CUL3: variants seen among roughly 807,000 people sequenced by gnomAD.
The protein encoded by CUL3 is cullin-3.
CUL3 carries 19 observed loss-of-function variants against 89.1 expected under a neutral mutation model. The observed-to-expected ratio is 0.21, with a 90% CI of 0.15 to 0.31. CUL3 has a LOEUF of 0.31. CUL3 is among the 10% of genes least tolerant of loss of function. The probability of loss-of-function intolerance (pLI) is 1.00; values close to 1 mark genes in which losing one functional copy is unlikely to be tolerated. For synonymous variants in CUL3, 351 were observed against 308.4 expected (o/e 1.14, Z -1.45); for missense variants, 469 against 942.3 (o/e 0.50, Z 6.58).
At position 224,557,806 on chromosome 2, in the gene CUL3, A is replaced by AT. The variant is rs1553535855; in HGVS notation, c.116dup (p.Asn39LysfsTer9). On this transcript the variant is annotated frameshift_variant, in exon 2 of 16. Coordinates refer to ENST00000264414, the MANE Select transcript of CUL3 (RefSeq NM_003590.5). LOFTEE classifies it high-confidence loss of function. ...TCTTACGCTGGATTTCTTGAATTGC[A>AT]TTTTTCAGAAGGTCCCAAATGCTGT... The AT allele has an allele frequency of 6.9e-7, 1 of 1,453,472 alleles. No homozygotes were observed. The highest frequency in any genetic ancestry group is 9.2e-7 in the Non-Finnish European group (1 of 1,091,456). 90.0% of individuals were successfully genotyped at this position (1,453,472 alleles called of 1,614,324 possible).
chr2:224,489,441 A>G (rs1161900416), intron 13 of CUL3, among the ~76,000 whole-genome samples: 1 of 152,222 alleles, frequency 6.6e-6, no homozygotes, highest in African/African-American at 2.4e-5. Flanking sequence ...CAGAAATCAC[A>G]AGCATTCCTA....
At chr2:224,511,722 A>G (rs1029686029) in intron 5 of CUL3, 140 bp from the exon 6 acceptor site, 9 of 558,096 alleles carry the variant, frequency 1.6e-5, no homozygotes, top group Admixed American at 1.0e-4. Flanking sequence ...TTCTCATTAC[A>G]CGAAAGACTG....
At chr2:224,561,685 C>T (rs903637626) in intron 1 of CUL3, among the ~76,000 whole-genome samples, 1 of 152,162 alleles carries the variant, frequency 6.6e-6, no homozygotes, top group African/African-American at 2.4e-5. Flanking sequence ...ACCTATACTG[C>T]TACCTCTTTT....
intron 2 of CUL3, among the ~76,000 whole-genome samples, chr2:224,542,538 TCTGG>T: frequency 6.7e-6 from 1 of 150,058 alleles, no homozygotes; most frequent in Middle Eastern, 3.4e-3. Flanking sequence ...TGCCAGCACT[TCTGG>T]CTGTGTGCGT....
At chr2:224,540,442 GAGGAAGAAGAA>G (rs1694061016) in intron 2 of CUL3, among the ~76,000 whole-genome samples, 1 of 151,754 alleles carries the variant, frequency 6.6e-6, no homozygotes, top group Non-Finnish European at 1.5e-5. Context: ...GAAGAGGAAG[GAGGAAGAAGAA>G]AGAAAGAAGA....
At chr2:224,536,676 G>C (rs1459601778) in intron 2 of CUL3, among the ~76,000 whole-genome samples, 3 of 152,164 alleles carry the variant, frequency 2.0e-5, no homozygotes, top group Non-Finnish European at 4.4e-5. Flanking sequence ...AGCCTGAAAT[G>C]TCTTTCCAAT....
At chr2:224,581,644 A>C (rs1456159795) in intron 1 of CUL3, among the ~76,000 whole-genome samples, 1 of 151,050 alleles carries the variant, frequency 6.6e-6, no homozygotes, top group Non-Finnish European at 1.5e-5. Context: ...CTGGAATTAT[A>C]GGCGTGTATC....
At position 224,565,585 on chromosome 2, in the gene CUL3, G is replaced by T. The variant is rs534395815; in HGVS notation, c.67-7729C>A. 4.6e-5 allele frequency among the ~76,000 whole-genome samples: 7 copies of T among 152,306 alleles called. No homozygotes were observed. In the South Asian group the frequency reaches 8.3e-4, roughly 18 times the overall value. On this transcript the variant is annotated intron_variant, in intron 1 of 15. Coordinates refer to ENST00000264414, the MANE Select transcript of CUL3 (RefSeq NM_003590.5). Reference sequence around the variant, plus strand: ...GTGCCCACATCATAAAACAGTCCATGTCGTAAAAGTCAAAGCATTCTTGAG... The same window carrying T: ...GTGCCCACATCATAAAACAGTCCATTTCGTAAAAGTCAAAGCATTCTTGAG...
In CUL3 at chr2:224,573,954, A is replaced by T. The variant is rs572986715; in HGVS notation, c.66+10990T>A. Among the ~76,000 whole-genome samples the T allele has an allele frequency of 2.0e-5, 3 of 152,194 alleles. 1 individual carries two copies. In the South Asian group the frequency reaches 6.2e-4, roughly 32 times the overall value. Reference sequence around the variant, plus strand: ...ACAAGGCAACCTCTAGTGGAAATGGAAAGGAATTGGAGATGAAAAAGAAAA... The same window carrying T: ...ACAAGGCAACCTCTAGTGGAAATGGTAAGGAATTGGAGATGAAAAAGAAAA... On this transcript the variant is annotated intron_variant, in intron 1 of 15. Transcript: ENST00000264414.
At chr2:224,520,300 C>T (rs1693214987) in intron 3 of CUL3, among the ~76,000 whole-genome samples, 1 of 152,222 alleles carries the variant, frequency 6.6e-6, no homozygotes, top group Non-Finnish European at 1.5e-5. Context: ...AAAACTTTCA[C>T]AAGCTAGGTG....
Position 224,514,634 on chromosome 2 carries a change from G to T in CUL3, c.517C>A (p.Arg173=), listed in dbSNP as rs1389326181. ...QTLLDMIARE[R]KGEVVDRGAI... is the part of the protein sequence containing the mutation. ...TACCTGTCTACGACTTCTCCTTTCC[G>T]CTCTCTTGCAATCATATCCAATAGA... Residue 173 remains arginine (R), a synonymous_variant, in exon 4 of 16, where the codon CGG becomes AGG. Transcript: ENST00000264414. 1 of 1,611,724 alleles carries T rather than the reference G, an allele frequency of 6.2e-7. No individual in the cohort carries two copies. Among genetic ancestry groups the T allele is most frequent in the East Asian group, 2.2e-5 (1 of 44,828 alleles).
chr2:224,568,172 A>G (rs1695091492), intron 1 of CUL3, among the ~76,000 whole-genome samples: 1 of 152,174 alleles, frequency 6.6e-6, no homozygotes, highest in Non-Finnish European at 1.5e-5. Context: ...GAACTCCTCA[A>G]GCAAAGTTAA....
chr2:224,526,384 G>A (rs1693474049), intron 3 of CUL3, among the ~76,000 whole-genome samples: 1 of 151,992 alleles, frequency 6.6e-6, no homozygotes, highest in African/African-American at 2.4e-5. Flanking sequence ...TCGAAAGTTC[G>A]AGACCAGTCT....
At chr2:224,497,977 G>T in intron 11 of CUL3, 128 bp from the exon 12 acceptor site, 1 of 667,940 alleles carries the variant, frequency 1.5e-6, no homozygotes. Flanking sequence ...AAAACTTAAA[G>T]GAAACTTTAG....
chr2:224,507,035 TAAAGATTAAAGAA>T, intron 6 of CUL3, 32 bp from the exon 7 acceptor site: 1 of 1,591,552 alleles, frequency 6.3e-7, no homozygotes, highest in African/African-American at 1.4e-5. Flanking sequence ...TTGGCTACAT[TAAAGATTAAAGAA>T]AAAAACACGA....
chr2:224,480,369 CTA>C (rs1319413262), intron 14 of CUL3, among the ~76,000 whole-genome samples: 1 of 152,128 alleles, frequency 6.6e-6, no homozygotes, highest in African/African-American at 2.4e-5. Flanking sequence ...TTGACTTAAA[CTA>C]TGAGTAAGAG....
chr2:224,508,425 C>A (rs1022419459), intron 6 of CUL3, among the ~76,000 whole-genome samples: 1 of 152,150 alleles, frequency 6.6e-6, no homozygotes, highest in African/African-American at 2.4e-5. Flanking sequence ...AATCTATGGA[C>A]ACATACTACA....
intron 15 of CUL3, among the ~76,000 whole-genome samples, chr2:224,477,928 AAG>A (rs1362722829): frequency 2.0e-5 from 3 of 152,242 alleles, no homozygotes; most frequent in Admixed American, 6.5e-5. Context: ...TGTTTACACA[AAG>A]GTATTAATAG....
intron 13 of CUL3, among the ~76,000 whole-genome samples, chr2:224,494,358 C>T (rs1286056067): frequency 1.3e-5 from 2 of 151,674 alleles, no homozygotes; most frequent in East Asian, 3.9e-4. Context: ...TCATTTTAAC[C>T]CCAAAACACC....
Sources: gnomAD v4.1 joint callset for allele counts (sites outside exome capture counted in the v4.1 genomes callset) on GRCh38, gnomAD v4.1.1 for gene constraint, MANE v1.5 for transcripts, NCBI Gene and HGNC (gene_info 2026-07-23, HGNC 2026-07-21) for gene names.